MYOM2: variants seen among roughly 807,000 people sequenced by gnomAD.
MYOM2 encodes myomesin-2.
In MYOM2, 254 loss-of-function variants were observed where a neutral mutation model predicts 187.6. The observed-to-expected ratio is 1.35, with a 90% CI of 1.22 to 1.50. The LOEUF (loss-of-function observed/expected upper bound fraction) is 1.50, where lower values mean the gene tolerates loss of function less well. Ranked by LOEUF, MYOM2 falls within the 40% of genes most tolerant of loss-of-function variation. MYOM2 has a pLI of 0.00. For synonymous variants in MYOM2, 981 were observed against 753.8 expected (o/e 1.30, Z -4.94); for missense variants, 2,796 against 1,924.0 (o/e 1.45, Z -8.48).
intron 6 of MYOM2, among the ~76,000 whole-genome samples, chr8:2,061,866 T>C (rs1164693426): frequency 2.6e-5 from 4 of 152,218 alleles, no homozygotes; most frequent in Non-Finnish European, 5.9e-5. Flanking sequence ...TCCTGGATGT[T>C]CGAGAGGCTT....
rs142603114 is a variant in MYOM2 at position 2,141,833 on chromosome 8, C to T, written c.4002-542C>T. 5.6e-3 allele frequency among the ~76,000 whole-genome samples: 845 copies of T among 152,242 alleles called. 5 individuals carry two copies. The highest frequency in any genetic ancestry group is 0.019 in the African/African-American group (776 of 41,542). The stretch of plus-strand genomic sequence containing the variant: ...AAATGGCGATGCTAGTCCAAGATGG[C>T]GGTGCTGCTGCTCTGCCAGTCATCA... On this transcript the variant is annotated intron_variant, in intron 34 of 36. Transcript: ENST00000262113.
intron 2 of MYOM2, 70 bp downstream of exon 2, chr8:2,050,943 C>G: frequency 1.6e-6 from 2 of 1,225,802 alleles, no homozygotes; most frequent in Non-Finnish European, 1.2e-6. Context: ...AAGGCTTTTC[C>G]AGTTCCGTCA....
At chr8:2,101,864 C>T (rs1796721196) in intron 20 of MYOM2, 1 of 152,296 alleles carries the variant, frequency 6.6e-6, no homozygotes, top group African/African-American at 2.4e-5. Context: ...TGTGTGACTT[C>T]CTCCAGCCTC....
chr8:2,121,436 G>T (rs1797452737), intron 28 of MYOM2, among the ~76,000 whole-genome samples: 1 of 152,048 alleles, frequency 6.6e-6, no homozygotes, highest in South Asian at 2.1e-4. Context: ...ATTATTTTAG[G>T]TTCCCTGACT....
At chr8:2,082,855 A>T (rs1274553838) in intron 13 of MYOM2, among the ~76,000 whole-genome samples, 1 of 152,102 alleles carries the variant, frequency 6.6e-6, no homozygotes, top group Non-Finnish European at 1.5e-5. Context: ...CCTAAAATAA[A>T]CTCGGTGTTT....
chr8:2,067,961 T>A (rs1819072380), intron 6 of MYOM2, among the ~76,000 whole-genome samples: 1 of 152,096 alleles, frequency 6.6e-6, no homozygotes, highest in Admixed American at 6.5e-5. Context: ...AGGGAGTTTG[T>A]CACTTAGAAG....
chr8:2,114,404 G>T (rs936259707), intron 25 of MYOM2, among the ~76,000 whole-genome samples: 1 of 152,356 alleles, frequency 6.6e-6, no homozygotes, highest in South Asian at 2.1e-4. Context: ...CTGCACTGCA[G>T]GCAGGGAGGG....
intron 6 of MYOM2, among the ~76,000 whole-genome samples, chr8:2,065,621 C>T (rs1193658133): frequency 6.6e-6 from 1 of 152,162 alleles, no homozygotes; most frequent in East Asian, 1.9e-4. Context: ...CTTCTTATTT[C>T]TTCTTATTGC....
intron 7 of MYOM2, 32 bp downstream of exon 7, chr8:2,069,398 TC>T: frequency 6.2e-7 from 1 of 1,613,906 alleles, no homozygotes; most frequent in Non-Finnish European, 8.5e-7. Context: ...ACGGGGCACC[TC>T]CCGCCTCCTT....
At chr8:2,114,980 T>A (rs891110879) in intron 25 of MYOM2, among the ~76,000 whole-genome samples, 2 of 152,174 alleles carry the variant, frequency 1.3e-5, no homozygotes, top group Non-Finnish European at 1.5e-5. Flanking sequence ...CAATACCATA[T>A]GAAATTGGTT....
At position 2,098,963 on chromosome 8, in the gene MYOM2, C is replaced by T. The variant is rs1195539855; in HGVS notation, c.2420C>T (p.Ala807Val). The T allele has an allele frequency of 6.2e-6, 10 of 1,611,032 alleles. No individual in the cohort carries two copies. The highest frequency in any genetic ancestry group is 1.1e-5 in the South Asian group (1 of 90,782). Residue 807 changes from alanine (A) to valine (V), a missense_variant, in exon 19 of 37, where the codon GCC becomes GTC. Transcript: ENST00000262113. The stretch of plus-strand genomic sequence containing the variant: ...CCCAGTGAGCACTTCAAGTGTGAGG[C>T]CTGGACCATGCCGGAGCCCGGTGAG... ...SDPSEHFKCE[A>V]WTMPEPGPAY...
At chr8:2,082,339 C>G (rs2116687660) in intron 13 of MYOM2, among the ~76,000 whole-genome samples, 1 of 152,270 alleles carries the variant, frequency 6.6e-6, no homozygotes, top group East Asian at 1.9e-4. Flanking sequence ...TTTCGGGATT[C>G]AAGAATTTGC....
intron 12 of MYOM2, 52 bp downstream of exon 12, chr8:2,078,985 T>C (rs373606264): frequency 6.4e-7 from 1 of 1,567,498 alleles, no homozygotes; most frequent in East Asian, 2.2e-5. Flanking sequence ...TTTGGCTGTT[T>C]TGTGTGTGAT....
In MYOM2 at chr8:2,052,198, C is replaced by T. The variant is rs1181005678; in HGVS notation, c.148C>T (p.Gln50Ter). 3.7e-6 allele frequency: 6 copies of T among 1,613,482 alleles called. No homozygotes were observed. Among genetic ancestry groups the T allele is most frequent in the African/African-American group, 1.3e-5 (1 of 75,046 alleles). Reference protein sequence around the residue: ...TQASSQKSLSQRSSSQRASSQ... With the variant: ...TQASSQKSLS ...GGCATCTTCCCAGAAGTCCTTGAGTCAGCGGTCGTCTTCACAGAGAGCCTC... is the reference window on the plus strand; with the variant it reads ...GGCATCTTCCCAGAAGTCCTTGAGTTAGCGGTCGTCTTCACAGAGAGCCTC... The change falls in exon 3 of 37, where the codon CAG (glutamine) becomes TAG (stop). Residue 50 changes from glutamine (Q) to a stop codon, truncating the protein, a stop_gained. Coordinates refer to ENST00000262113, the MANE Select transcript of MYOM2 (RefSeq NM_003970.4). LOFTEE classifies it high-confidence loss of function.
chr8:2,070,127 C>T (rs1017787000), intron 8 of MYOM2, among the ~76,000 whole-genome samples: 12 of 152,252 alleles, frequency 7.9e-5, no homozygotes, highest in East Asian at 7.7e-4. Context: ...TGAGGTGAGG[C>T]GGTCCCCATG....
intron 18 of MYOM2, 104 bp from the exon 19 acceptor site, chr8:2,098,753 C>T: frequency 2.4e-6 from 3 of 1,267,568 alleles, no homozygotes; most frequent in African/African-American, 1.5e-5. Context: ...AAGGTTCCTT[C>T]CTCTCATATT....
rs1239750291 is a variant in MYOM2, at chr8:2,123,132, C to G, written c.3454-120C>G. The stretch of plus-strand genomic sequence containing the variant: ...TCCATAAGCCTTCGTCTGAGACTGT[C>G]TATAGTAAAAACTAAGGTTTTTTGA... On this transcript the variant is annotated intron_variant, in intron 28 of 36. Coordinates refer to ENST00000262113, the MANE Select transcript of MYOM2 (RefSeq NM_003970.4). The G allele has an allele frequency of 1.8e-5, 11 of 617,744 alleles. No homozygotes were observed. In the African/African-American group the frequency reaches 1.9e-4, roughly 10 times the overall value. 38.3% of individuals were successfully genotyped at this position (617,744 alleles called of 1,614,324 possible).
intron 16 of MYOM2, 99 bp downstream of exon 16, chr8:2,092,619 G>T (rs77656666): frequency 7.7e-7 from 1 of 1,302,948 alleles, no homozygotes; most frequent in South Asian, 1.5e-5. Flanking sequence ...TGGCCGCAAG[G>T]CTTCTGCGTA....
Position 2,085,044 on chromosome 8 carries a change from A to G in MYOM2, c.1517-219A>G, listed in dbSNP as rs902818100. On this transcript the variant is annotated intron_variant, in intron 13 of 36. Coordinates refer to ENST00000262113, the MANE Select transcript of MYOM2 (RefSeq NM_003970.4). ...CGGGTGAGATTCCTTTCCTATGAAC[A>G]GGCTTATATCTGTATTGGAAGCAAA... 7.2e-5 allele frequency: 38 copies of G among 526,554 alleles called. No homozygotes were observed. The South Asian group carries it at 1.0e-3, about 14-fold the overall frequency. 32.6% of individuals were successfully genotyped at this position (526,554 alleles called of 1,614,324 possible).
Sources: gnomAD v4.1 joint callset for allele counts (sites outside exome capture counted in the v4.1 genomes callset) on GRCh38, gnomAD v4.1.1 for gene constraint, MANE v1.5 for transcripts, NCBI Gene and HGNC (gene_info 2026-07-23, HGNC 2026-07-21) for gene names.